Variants in CUX1 observed in about 807,000 individuals in gnomAD.
CUX1 encodes the protein protein CASP.
In CUX1, 31 loss-of-function variants were observed where a neutral mutation model predicts 158.8. That is an observed-to-expected ratio of 0.20 (90% CI 0.15 to 0.26). The LOEUF is 0.26. Ranked by LOEUF, CUX1 falls within the 10% of genes least tolerant of loss-of-function variation. The probability of loss-of-function intolerance (pLI) is 1.00; values close to 1 mark genes in which losing one functional copy is unlikely to be tolerated. For synonymous variants in CUX1, 879 were observed against 862.1 expected (o/e 1.02, Z -0.34); for missense variants, 1,589 against 2,014.6 (o/e 0.79, Z 4.04).
intron 2 of CUX1, among the ~76,000 whole-genome samples, chr7:101,950,216 G>T (rs1255047199): frequency 2.0e-5 from 3 of 151,960 alleles, no homozygotes; most frequent in African/African-American, 7.3e-5. Flanking sequence ...CACCTTGTTG[G>T]TCAGGCTGGT....
chr7:102,085,729 T>C (rs950617759), intron 4 of CUX1, among the ~76,000 whole-genome samples: 3 of 152,054 alleles, frequency 2.0e-5, no homozygotes, highest in African/African-American at 7.3e-5. Context: ...AGTTTTCTGG[T>C]TTTTTTCCTT....
chr7:101,823,916 A>AAAACC (rs781557499), intron 1 of CUX1, among the ~76,000 whole-genome samples: 14 of 152,306 alleles, frequency 9.2e-5, no homozygotes, highest in East Asian at 3.9e-4. Context: ...AGCATATGAA[A>AAAACC]AAACCAAACC....
At chr7:102,203,668 A>G (rs1795674447) in intron 18 of CUX1, among the ~76,000 whole-genome samples, 1 of 152,140 alleles carries the variant, frequency 6.6e-6, no homozygotes, top group South Asian at 2.1e-4. Flanking sequence ...GAACTTGAGA[A>G]CTTTTCAAAA....
intron 2 of CUX1, among the ~76,000 whole-genome samples, chr7:101,983,925 T>G: frequency 6.6e-6 from 1 of 150,946 alleles, no homozygotes; most frequent in African/African-American, 2.4e-5. Flanking sequence ...TCTCAGTTAC[T>G]CAGGAGGCTG....
chr7:101,926,207 T>C (rs1180298170), intron 2 of CUX1, among the ~76,000 whole-genome samples: 3 of 152,188 alleles, frequency 2.0e-5, no homozygotes, highest in Non-Finnish European at 4.4e-5. Flanking sequence ...CACCTACTGT[T>C]AAGTTATAAT....
At chr7:102,008,531 G>A (rs1268755551) in intron 2 of CUX1, among the ~76,000 whole-genome samples, 1 of 151,998 alleles carries the variant, frequency 6.6e-6, no homozygotes, top group Non-Finnish European at 1.5e-5. Flanking sequence ...TATTCTCCTC[G>A]TGTAATCCCT....
At chr7:102,026,648 C>A (rs1282883220) in intron 2 of CUX1, among the ~76,000 whole-genome samples, 2 of 151,320 alleles carry the variant, frequency 1.3e-5, no homozygotes, top group African/African-American at 4.9e-5. Flanking sequence ...GGTGAAACCC[C>A]GTCTCTACTA....
intron 10 of CUX1, among the ~76,000 whole-genome samples, chr7:102,177,608 C>G (rs1792530293): frequency 6.6e-6 from 1 of 151,860 alleles, no homozygotes; most frequent in South Asian, 2.1e-4. Flanking sequence ...CTGCTGTTCC[C>G]CTGCCTGGAG....
chr7:102,267,349 CG>C (rs747169247), intron 14 of CUX1, among the ~76,000 whole-genome samples: 7 of 152,058 alleles, frequency 4.6e-5, no homozygotes, highest in Non-Finnish European at 1.0e-4. Context: ...GCCTGGCCAA[CG>C]TGACGAAACT....
intron 1 of CUX1, among the ~76,000 whole-genome samples, chr7:101,836,528 A>G (rs965317831): frequency 2.6e-5 from 4 of 151,804 alleles, no homozygotes; most frequent in South Asian, 2.1e-4. Flanking sequence ...TCACTGGACT[A>G]TGAAGCCTGA....
chr7:102,174,741 C>T (rs1167059486), intron 10 of CUX1, among the ~76,000 whole-genome samples: 1 of 152,152 alleles, frequency 6.6e-6, no homozygotes, highest in Non-Finnish European at 1.5e-5. Flanking sequence ...GTCAGGAGTT[C>T]GAGACCAGCC....
chr7:101,862,519 A>T (rs1053261957), intron 1 of CUX1, among the ~76,000 whole-genome samples: 1 of 152,172 alleles, frequency 6.6e-6, no homozygotes, highest in Non-Finnish European at 1.5e-5. Flanking sequence ...GAGACTGGGA[A>T]GGCAGTTTCT....
chr7:102,165,259 A>G (rs1250630949), intron 9 of CUX1, among the ~76,000 whole-genome samples: 2 of 150,694 alleles, frequency 1.3e-5, no homozygotes, highest in African/African-American at 2.4e-5. Flanking sequence ...ACCACGTTTT[A>G]TGAGTCAAAT....
At chr7:102,277,587 C>T (rs1209649863) in intron 17 of CUX1, among the ~76,000 whole-genome samples, 2 of 150,562 alleles carry the variant, frequency 1.3e-5, no homozygotes, top group South Asian at 2.1e-4. Context: ...GCAACAAGAG[C>T]GAAACTCCAT....
intron 4 of CUX1, among the ~76,000 whole-genome samples, chr7:102,083,872 T>TA (rs1391791789): frequency 6.8e-5 from 10 of 147,036 alleles, no homozygotes; most frequent in African/African-American, 2.2e-4. Context: ...TTTTCTTTTT[T>TA]AAAAAATCTA....
intron 1 of CUX1, among the ~76,000 whole-genome samples, chr7:101,902,151 A>G (rs1437418529): frequency 1.3e-5 from 2 of 152,036 alleles, no homozygotes; most frequent in Non-Finnish European, 2.9e-5. Flanking sequence ...TGGGGAAGAG[A>G]TGGTGGCATG....
intron 6 of CUX1, among the ~76,000 whole-genome samples, chr7:102,108,835 A>T (rs1830626327): frequency 6.7e-6 from 1 of 150,134 alleles, no homozygotes; most frequent in African/African-American, 2.5e-5. Flanking sequence ...GCTCACTGCA[A>T]CCTCCACCTC....
At position 102,178,570 on chromosome 7, in the gene CUX1, G is replaced by A; in HGVS notation, c.930G>A (p.Gln310=). ...TGGTGGAGGACGTGCAGAGACTCCA[G>A]GCCAGCCTCACCAAGCTGCGGGAGA... The part of the protein sequence containing the change: ...AQLVEDVQRL[Q]ASLTKLRENS... The change falls in exon 11 of 24, where the codon CAG becomes CAA. Residue 310 remains glutamine, a synonymous_variant. Coordinates refer to ENST00000292535, the MANE Select transcript of CUX1 (RefSeq NM_181552.4). 6.2e-7 allele frequency: 1 copy of A among 1,612,974 alleles called. No homozygotes were observed. The highest frequency in any genetic ancestry group is 2.2e-5 in the East Asian group (1 of 44,824).
At chr7:102,039,546 T>C (rs1821811173) in intron 3 of CUX1, among the ~76,000 whole-genome samples, 1 of 152,056 alleles carries the variant, frequency 6.6e-6, no homozygotes, top group Admixed American at 6.6e-5. Flanking sequence ...TCCCAGCTAC[T>C]TGGGAGGCTG....
Sources: gnomAD v4.1 joint callset for allele counts (sites outside exome capture counted in the v4.1 genomes callset) on GRCh38, gnomAD v4.1.1 for gene constraint, MANE v1.5 for transcripts, NCBI Gene and HGNC (gene_info 2026-07-23, HGNC 2026-07-21) for gene names.